MTUS2: variants seen among roughly 807,000 people sequenced by gnomAD.
The protein encoded by MTUS2 is microtubule-associated tumor suppressor candidate 2.
Under a neutral mutation model 114.1 loss-of-function variants are expected in MTUS2, and 40 were observed. That is an observed-to-expected ratio of 0.35 (90% confidence interval 0.27 to 0.46). The LOEUF (loss-of-function observed/expected upper bound fraction) is 0.46, where lower values mean the gene tolerates loss of function less well. Among genes scored for constraint, MTUS2 ranks in the 20% least tolerant of loss-of-function variants. The pLI is 1.00. For missense variants in MTUS2, 1,679 were observed against 1,705.4 expected (o/e 0.98, Z 0.27); for synonymous variants, 688 against 672.0 (o/e 1.02, Z -0.37).
At chr13:29,460,147 G>A (rs1042172470) in intron 9 of MTUS2, among the ~76,000 whole-genome samples, 4 of 152,198 alleles carry the variant, frequency 2.6e-5, no homozygotes, top group Non-Finnish European at 4.4e-5. Flanking sequence ...TTTTACAGAT[G>A]AGAATATTGA....
chr13:29,296,571 G>A (rs1488840459), intron 6 of MTUS2, among the ~76,000 whole-genome samples: 1 of 152,038 alleles, frequency 6.6e-6, no homozygotes, highest in Non-Finnish European at 1.5e-5. Context: ...CCCACCAAGT[G>A]TGTAAAAGTT....
chr13:29,054,510 T>C (rs1264048254), intron 4 of MTUS2, among the ~76,000 whole-genome samples: 1 of 152,094 alleles, frequency 6.6e-6, no homozygotes, highest in East Asian at 1.9e-4. Context: ...GCAGTTGCCA[T>C]GGCTGGAGAG....
At chr13:28,931,365 G>C (rs1239081159) in intron 2 of MTUS2, among the ~76,000 whole-genome samples, 8 of 152,226 alleles carry the variant, frequency 5.3e-5, no homozygotes, top group Non-Finnish European at 1.0e-4. Flanking sequence ...GAGGAACCTG[G>C]TGGGAGGTGA....
chr13:29,228,620 C>G (rs1052093154), intron 5 of MTUS2, among the ~76,000 whole-genome samples: 5 of 152,102 alleles, frequency 3.3e-5, no homozygotes, highest in African/African-American at 4.8e-5. Flanking sequence ...AGGCCTGGCC[C>G]TGTGTGTGTA....
chr13:29,193,695 T>C (rs1460523101), intron 5 of MTUS2, among the ~76,000 whole-genome samples: 1 of 152,074 alleles, frequency 6.6e-6, no homozygotes, highest in Non-Finnish European at 1.5e-5. Flanking sequence ...TTCAATGCCA[T>C]CCCCATCAAT....
At chr13:28,887,362 C>T (rs1005675091) in intron 2 of MTUS2, among the ~76,000 whole-genome samples, 6 of 152,258 alleles carry the variant, frequency 3.9e-5, no homozygotes, top group African/African-American at 1.4e-4. Flanking sequence ...ACGCACCTCC[C>T]ATGTCTCTGA....
intron 2 of MTUS2, among the ~76,000 whole-genome samples, chr13:28,891,858 CAAAAAAAAAAA>C (rs1169875500): frequency 5.7e-5 from 3 of 52,182 alleles, no homozygotes; most frequent in South Asian, 8.9e-4. Context: ...GACTCTGTCT[CAAAAAAAAAAA>C]AAAAAAAAAA....
chr13:28,890,981 G>A (rs921440609), intron 2 of MTUS2, among the ~76,000 whole-genome samples: 1 of 152,072 alleles, frequency 6.6e-6, no homozygotes, highest in Admixed American at 6.5e-5. Flanking sequence ...ACAGCCCTTT[G>A]CATAATTGAA....
At position 29,439,953 on chromosome 13, in the gene MTUS2, G is replaced by T. The variant is rs557133606; in HGVS notation, c.3118-30G>T. ...GTGCTTATCTAGCATAAAACTAGGGGACTCTCGGTATCCGTTTTTGTTTTT... is the reference window on the plus strand; with the variant it reads ...GTGCTTATCTAGCATAAAACTAGGGTACTCTCGGTATCCGTTTTTGTTTTT... On this transcript the variant is annotated intron_variant, in intron 8 of 15. Coordinates refer to ENST00000612955, the MANE Select transcript of MTUS2 (RefSeq NM_001033602.4). 11 of 1,536,422 alleles carry T rather than the reference G, an allele frequency of 7.2e-6. No homozygotes were observed. The Admixed American group carries it at 1.7e-4, about 24-fold the overall frequency.
At chr13:29,058,290 T>C (rs895670821) in intron 4 of MTUS2, among the ~76,000 whole-genome samples, 14 of 151,198 alleles carry the variant, frequency 9.3e-5, no homozygotes, top group African/African-American at 3.2e-4. Flanking sequence ...CTTACGAGGG[T>C]TCTCTGAATT....
intron 6 of MTUS2, among the ~76,000 whole-genome samples, 177 bp from the exon 7 acceptor site, chr13:29,324,436 A>G (rs3751337): frequency 0.57 from 87,101 of 152,052 alleles, 26,995 homozygotes; most frequent in East Asian, 0.76. Flanking sequence ...CCTTTCCTAT[A>G]AAGAAGTGTG....
intron 5 of MTUS2, among the ~76,000 whole-genome samples, chr13:29,180,098 A>G: frequency 6.6e-6 from 1 of 152,210 alleles, no homozygotes. Flanking sequence ...AGTGATTTTT[A>G]ATGACTTTGA....
At chr13:29,486,799 T>G (rs572884474) in intron 10 of MTUS2, among the ~76,000 whole-genome samples, 74 of 152,372 alleles carry the variant, frequency 4.9e-4, no homozygotes, top group Non-Finnish European at 8.8e-4. Flanking sequence ...TGTGATATTG[T>G]GTACAATGGT....
At chr13:29,075,943 T>C (rs1417478685) in intron 4 of MTUS2, among the ~76,000 whole-genome samples, 3 of 152,208 alleles carry the variant, frequency 2.0e-5, no homozygotes, top group Non-Finnish European at 2.9e-5. Flanking sequence ...CCTTCTACTC[T>C]TACACTTTAC....
chr13:29,205,252 T>C (rs187127012), intron 5 of MTUS2, among the ~76,000 whole-genome samples: 10 of 152,324 alleles, frequency 6.6e-5, no homozygotes, highest in Admixed American at 5.2e-4. Flanking sequence ...CTTTTTGCAA[T>C]TTTGCTCCTA....
At chr13:28,876,881 A>G (rs1877967527) in intron 2 of MTUS2, among the ~76,000 whole-genome samples, 1 of 152,162 alleles carries the variant, frequency 6.6e-6, no homozygotes, top group Admixed American at 6.5e-5. Context: ...GTTGATAAAT[A>G]TTTATTAAAT....
chr13:29,166,158 G>A (rs1243644626), intron 5 of MTUS2, among the ~76,000 whole-genome samples: 4 of 152,154 alleles, frequency 2.6e-5, no homozygotes, highest in African/African-American at 9.7e-5. Flanking sequence ...TGAGGACACA[G>A]GACATTAAGT....
chr13:28,881,844 C>T (rs1878308455), intron 2 of MTUS2, among the ~76,000 whole-genome samples: 1 of 152,068 alleles, frequency 6.6e-6, no homozygotes, highest in Admixed American at 6.6e-5. Context: ...CTGAATATGG[C>T]CGTAGCCAAA....
chr13:29,205,941 G>A (rs1278060145), intron 5 of MTUS2, among the ~76,000 whole-genome samples: 2 of 152,162 alleles, frequency 1.3e-5, no homozygotes, highest in Non-Finnish European at 2.9e-5. Context: ...GGGATTGCTG[G>A]ATCAAATGGT....
Sources: gnomAD v4.1 joint callset for allele counts (sites outside exome capture counted in the v4.1 genomes callset) on GRCh38, gnomAD v4.1.1 for gene constraint, MANE v1.5 for transcripts, NCBI Gene and HGNC (gene_info 2026-07-23, HGNC 2026-07-21) for gene names.